The following NR3C1 variants were observed in gnomAD, a reference collection of about 807,000 sequenced individuals.
NR3C1 encodes nuclear receptor subfamily 3 group C member 1.
A neutral mutation model predicts 74.0 loss-of-function variants in NR3C1; 14 were observed. The ratio of observed to expected loss-of-function variants is 0.19; its 90% CI spans 0.12 to 0.30. The LOEUF (loss-of-function observed/expected upper bound fraction) is 0.30. Ranked by LOEUF, NR3C1 falls within the 10% of genes least tolerant of loss-of-function variation. The pLI, the probability that NR3C1 is intolerant of heterozygous loss-of-function variation, is 1.00. For missense variants in NR3C1, 695 were observed against 909.8 expected, an observed-to-expected ratio of 0.76 and a Z score of 3.04; for synonymous variants, 308 against 332.5, an observed-to-expected ratio of 0.93 and a Z score of 0.80.
intron 8 of NR3C1, 129 bp downstream of exon 8, chr5:143,282,439 C>A (rs897055628): frequency 3.2e-5 from 32 of 989,798 alleles, no homozygotes; most frequent in Non-Finnish European, 5.9e-6. Flanking sequence ...AAGTTGAACT[C>A]AAGCTATCAC....
upstream of NR3C1, among the ~76,000 whole-genome samples, chr5:143,406,392 A>C (rs1841112042): frequency 6.6e-6 from 1 of 150,574 alleles, no homozygotes; most frequent in African/African-American, 2.4e-5. Context: ...TGCCATTGAA[A>C]ACGTTTTTAA....
At chr5:143,333,540 C>T (rs1314985503) in intron 2 of NR3C1, among the ~76,000 whole-genome samples, 4 of 151,922 alleles carry the variant, frequency 2.6e-5, no homozygotes, top group Admixed American at 1.3e-4. Flanking sequence ...GAGGCCAAGG[C>T]GGGCAGACCA....
At chr5:143,372,846 A>T (rs891770619) in intron 2 of NR3C1, among the ~76,000 whole-genome samples, 4 of 152,204 alleles carry the variant, frequency 2.6e-5, no homozygotes, top group Non-Finnish European at 4.4e-5. Context: ...AATTTAACAT[A>T]CTTATTTTAT....
In NR3C1 at chr5:143,281,760, T is replaced by G. The variant is rs1011350035; in HGVS notation, c.*129A>C. 9.3e-7 allele frequency: 1 copy of G among 1,078,688 alleles called. No individual in the cohort carries two copies. The highest frequency in any genetic ancestry group is 1.6e-5 in the African/African-American group (1 of 63,252). The allele number at this position is 1,078,688 out of a possible 1,614,324, so 66.8% of individuals were successfully genotyped here. On this transcript the variant is annotated 3_prime_UTR_variant, in exon 9 of 9. Coordinates refer to ENST00000394464, the MANE Select transcript of NR3C1 (RefSeq NM_000176.3). The stretch of plus-strand genomic sequence containing the variant: ...TCTATAAACCACATGTAGTGCGTAT[T>G]TAAAACAAAACAACAGATGAAAACA...
intron 6 of NR3C1, among the ~76,000 whole-genome samples, chr5:143,298,057 A>G (rs1386376547): frequency 3.9e-5 from 6 of 152,204 alleles, no homozygotes; most frequent in African/African-American, 1.2e-4. Flanking sequence ...ACGAGTGAGG[A>G]AACAACTGCA....
rs566190545 is a variant in NR3C1, at chr5:143,279,450, T to A, written c.*2439A>T. On this transcript the variant is annotated 3_prime_UTR_variant, in exon 9 of 9. Coordinates refer to ENST00000394464, the MANE Select transcript of NR3C1 (RefSeq NM_000176.3). ...ATAATCTACGTTTTAGAAGCTCTTT[T>A]TGAAACTTAACACTGTCATTGATAA... 1.5e-5 allele frequency: 23 copies of A among 1,491,278 alleles called. No homozygotes were observed. In the African/African-American group the frequency reaches 3.2e-4, roughly 21 times the overall value. 92.4% of individuals were successfully genotyped at this position (1,491,278 alleles called of 1,614,324 possible). A position where few individuals can be genotyped will look rare whatever the true frequency, so the allele number is the denominator to read the frequency against.
At chr5:143,359,587 A>G (rs1831849848) in intron 2 of NR3C1, among the ~76,000 whole-genome samples, 1 of 152,210 alleles carries the variant, frequency 6.6e-6, no homozygotes, top group Non-Finnish European at 1.5e-5. Context: ...AAATGTACTA[A>G]AATACACAAT....
chr5:143,365,261 A>T (rs1476247465), intron 2 of NR3C1, among the ~76,000 whole-genome samples: 1 of 152,236 alleles, frequency 6.6e-6, no homozygotes, highest in Non-Finnish European at 1.5e-5. Flanking sequence ...CCAAATAAAA[A>T]GCAAAGATTG....
At chr5:143,434,283 T>C (rs1052958896) in intron 1 of NR3C1, among the ~76,000 whole-genome samples, 4 of 152,238 alleles carry the variant, frequency 2.6e-5, no homozygotes, top group African/African-American at 7.2e-5. Context: ...GTATCTTCAT[T>C]GCCTACAATA....
chr5:143,316,268 C>T (rs971628659), intron 2 of NR3C1, among the ~76,000 whole-genome samples: 5 of 152,180 alleles, frequency 3.3e-5, no homozygotes, highest in African/African-American at 1.2e-4. Flanking sequence ...GGCTTCTATT[C>T]TGAAGATACT....
intron 2 of NR3C1, among the ~76,000 whole-genome samples, chr5:143,379,461 T>C (rs1014675948): frequency 1.2e-4 from 19 of 152,150 alleles, no homozygotes; most frequent in African/African-American, 4.6e-4. Context: ...GCAAGGTTCA[T>C]GAACAATTCG....
chr5:143,400,030 A>G lies in NR3C1; in HGVS notation c.810T>C (p.Asn270=). The G allele has an allele frequency of 5.0e-6, 8 of 1,614,150 alleles. No individual in the cohort carries two copies. The highest frequency in any genetic ancestry group is 6.8e-6 in the Non-Finnish European group (8 of 1,180,034). Residue 270 remains asparagine (N), a synonymous_variant, in exon 2 of 9, where the codon AAT becomes AAC. Coordinates refer to ENST00000394464, the MANE Select transcript of NR3C1 (RefSeq NM_000176.3). ...CTGTTTTCACTTGGGGCAGTGTTAC[A>G]TTACTGGGGCTTGACAAAACCAGAT... ...NGDLVLSSPS[N]VTLPQVKTEK...
chr5:143,295,166 C>T, intron 7 of NR3C1: 3 of 985,280 alleles, frequency 3.0e-6, no homozygotes, highest in Non-Finnish European at 3.6e-6. Context: ...CCATGTCTTC[C>T]CATGATCAAA....
At chr5:143,293,874 T>A (rs1816514769) in intron 7 of NR3C1, 1 of 979,718 alleles carries the variant, frequency 1.0e-6, no homozygotes, top group African/African-American at 1.8e-5. Flanking sequence ...CTTTTTTTTT[T>A]TTTTTTAAAC....
intron 2 of NR3C1, among the ~76,000 whole-genome samples, chr5:143,366,441 C>T (rs562697218): frequency 1.7e-4 from 26 of 150,448 alleles, no homozygotes; most frequent in East Asian, 5.9e-4. Context: ...ACCCGGGAAG[C>T]GGAGGCTGCA....
chr5:143,297,155 T>G (rs2151541832), intron 6 of NR3C1, among the ~76,000 whole-genome samples: 1 of 147,766 alleles, frequency 6.8e-6, no homozygotes, highest in African/African-American at 2.5e-5. Context: ...AACACAAGAA[T>G]AGGAAGTACA....
At position 143,281,582 on chromosome 5, in the gene NR3C1, T is replaced by C. The variant is rs1229435848; in HGVS notation, c.*307A>G. ...TCACACAGACTTTGGGCACTGGTGG[T>C]TTAGGTGCCATCCTTCTTTGACTGT... On this transcript the variant is annotated 3_prime_UTR_variant, in exon 9 of 9. Coordinates refer to ENST00000394464, the MANE Select transcript of NR3C1 (RefSeq NM_000176.3). The C allele has an allele frequency of 3.2e-6, 1 of 312,362 alleles. No individual in the cohort carries two copies. The highest frequency in any genetic ancestry group is 4.8e-5 in the Admixed American group (1 of 20,868). The allele number at this position is 312,362 out of a possible 1,614,324, so 19.3% of individuals were successfully genotyped here.
chr5:143,325,428 T>C (rs1178933648), intron 2 of NR3C1, among the ~76,000 whole-genome samples: 2 of 152,110 alleles, frequency 1.3e-5, no homozygotes, highest in South Asian at 2.1e-4. Flanking sequence ...CCACAACACA[T>C]AGGAATTCTG....
chr5:143,296,857 A>T (rs1365361365), intron 6 of NR3C1, among the ~76,000 whole-genome samples: 1 of 152,070 alleles, frequency 6.6e-6, no homozygotes, highest in East Asian at 1.9e-4. Context: ...TGGGTGGATC[A>T]CTTGAGGTCA....
Sources: gnomAD v4.1 joint callset for allele counts (sites outside exome capture counted in the v4.1 genomes callset) on GRCh38, gnomAD v4.1.1 for gene constraint, MANE v1.5 for transcripts, NCBI Gene and HGNC (gene_info 2026-07-23, HGNC 2026-07-21) for gene names.